PSMD12: variants seen among roughly 807,000 people sequenced by gnomAD.
The protein encoded by PSMD12 is proteasome 26S subunit, non-ATPase 12.
A neutral mutation model predicts 62.9 loss-of-function variants in PSMD12; 8 were observed. That is an observed-to-expected ratio of 0.13 (90% CI 0.07 to 0.23). PSMD12 has a LOEUF of 0.23. Among genes scored for constraint, PSMD12 ranks in the 10% least tolerant of loss-of-function variants. PSMD12 has a pLI of 1.00. For missense variants in PSMD12, 424 were observed against 550.2 expected, an observed-to-expected ratio of 0.77 and a Z score of 2.29; for synonymous variants, 173 against 187.4, an observed-to-expected ratio of 0.92 and a Z score of 0.63.
At chr17:67,356,015 C>G (rs993229300) in intron 3 of PSMD12, among the ~76,000 whole-genome samples, 2 of 145,170 alleles carry the variant, frequency 1.4e-5, no homozygotes, top group African/African-American at 5.1e-5. Flanking sequence ...CACACGCACA[C>G]ACACACAAGA....
chr17:67,352,270 G>GT (rs1280030358), intron 3 of PSMD12, among the ~76,000 whole-genome samples: 1 of 151,830 alleles, frequency 6.6e-6, no homozygotes. Context: ...TATTTTTAAA[G>GT]TTTTTTTGTA....
intron 1 of PSMD12, among the ~76,000 whole-genome samples, chr17:67,358,918 T>A (rs2042104302): frequency 6.6e-6 from 1 of 152,072 alleles, no homozygotes; most frequent in Non-Finnish European, 1.5e-5. Context: ...AATAAAACAT[T>A]CTCCCTAGGC....
In PSMD12 at chr17:67,357,406, C is replaced by T. The variant is rs745358341; in HGVS notation, c.194G>A (p.Arg65His). The stretch of plus-strand genomic sequence containing the variant: ...CATCTTCACTACTGCAACTAAGATA[C>T]GGGATGTCGATACCATATCGGAAGC... ...RTASDMVSTS[R>H]ILVAVVKMCY... Residue 65 changes from arginine to histidine, a missense_variant, in exon 3 of 11, where the codon CGT (arginine) becomes CAT (histidine). By Grantham distance (29) the Arg-to-His change is conservative. Transcript: ENST00000356126. 10 of 1,613,200 alleles carry T rather than the reference C, an allele frequency of 6.2e-6. No individual in the cohort carries two copies. In the South Asian group the frequency reaches 1.1e-4, roughly 18 times the overall value.
chr17:67,339,699 C>A lies in PSMD12; in HGVS notation c.*1144G>T, dbSNP rs967060222. On this transcript the variant is annotated 3_prime_UTR_variant, in exon 11 of 11. Coordinates refer to ENST00000356126, the MANE Select transcript of PSMD12 (RefSeq NM_002816.5). The stretch of plus-strand genomic sequence containing the variant: ...TTTTTTAAAGTAGACCTCACACTTT[C>A]TTTATTTAAGTATCATTTTAAATAA... The A allele has an allele frequency of 1.3e-5, 2 of 151,826 alleles. No individual in the cohort carries two copies. The highest frequency in any genetic ancestry group is 2.9e-5 in the Non-Finnish European group (2 of 67,950). 9.4% of individuals were successfully genotyped at this position (151,826 alleles called of 1,614,324 possible). A position where few individuals can be genotyped will look rare whatever the true frequency, so the allele number is the denominator to read the frequency against.
At chr17:67,360,427 ACT>A (rs1323960443) in intron 1 of PSMD12, among the ~76,000 whole-genome samples, 3 of 152,232 alleles carry the variant, frequency 2.0e-5, no homozygotes, top group Admixed American at 2.0e-4. Flanking sequence ...ATCAGTAGTC[ACT>A]TAGTACCTCT....
At chr17:67,343,519 T>C (rs1336860755) in intron 9 of PSMD12, among the ~76,000 whole-genome samples, 2 of 152,108 alleles carry the variant, frequency 1.3e-5, no homozygotes, top group South Asian at 2.1e-4. Context: ...CTCACACTCC[T>C]CTTACAAACC....
intron 1 of PSMD12, among the ~76,000 whole-genome samples, chr17:67,359,637 AAACATGCATGAATCTTCC>A (rs2042111294): frequency 6.6e-6 from 1 of 152,222 alleles, no homozygotes; most frequent in Non-Finnish European, 1.5e-5. Flanking sequence ...GATAGCTTTT[AAACATGCATGAATCTTCC>A]ATGCGGCACA....
intron 3 of PSMD12, among the ~76,000 whole-genome samples, chr17:67,356,393 C>A (rs573300530): frequency 6.3e-4 from 95 of 150,362 alleles, no homozygotes; most frequent in Admixed American, 1.5e-3. Flanking sequence ...CCCGTCTCTA[C>A]TAAAAATACA....
chr17:67,353,945 T>G (rs202095348), intron 3 of PSMD12, among the ~76,000 whole-genome samples: 2 of 152,358 alleles, frequency 1.3e-5, no homozygotes, highest in Admixed American at 1.3e-4. Context: ...GCCTAATGTA[T>G]GTGTAGCAAT....
At chr17:67,341,135 T>C in intron 10 of PSMD12, 83 bp from the exon 11 acceptor site, 1 of 1,080,146 alleles carries the variant, frequency 9.3e-7, no homozygotes, top group East Asian at 2.7e-5. Context: ...TTTTCTGAAC[T>C]CTTCATCCAA....
chr17:67,355,969 TACACACACACAC>T lies in PSMD12; in HGVS notation c.297+1322_297+1333del, dbSNP rs59875246. Among the ~76,000 whole-genome samples, 230 of 145,854 alleles carry T rather than the reference TACACACACACAC, an allele frequency of 1.6e-3. 2 individuals carry two copies. Among genetic ancestry groups the T allele is most frequent in the South Asian group, 5.4e-3 (24 of 4,466 alleles). On this transcript the variant is annotated intron_variant, in intron 3 of 10. Coordinates refer to ENST00000356126, the MANE Select transcript of PSMD12 (RefSeq NM_002816.5). ...GTAGTGAGACCCAAGCCCCCATTTC[TACACACACACAC>T]ACACACACACACACACACACACACA...
At chr17:67,346,985 G>T in intron 7 of PSMD12, 131 bp downstream of exon 7, 1 of 993,966 alleles carries the variant, frequency 1.0e-6, no homozygotes, top group East Asian at 2.5e-5. Flanking sequence ...GTAATATACT[G>T]AACAACACTG....
intron 1 of PSMD12, chr17:67,361,085 C>T (rs569547825): frequency 2.6e-5 from 4 of 152,146 alleles, no homozygotes; most frequent in Non-Finnish European, 5.9e-5. Context: ...GAAAGCTATC[C>T]AAAACCAACC....
In PSMD12 at chr17:67,342,349, T is replaced by C. The variant is rs2041923131; in HGVS notation, c.1084-86A>G. On this transcript the variant is annotated intron_variant, in intron 9 of 10. Transcript: ENST00000356126. The stretch of plus-strand genomic sequence containing the variant: ...ATTTATTTTCATATCCAAGTAAGTT[T>C]ACTTAAAATGTTAGACTCAGAGCTT... 3.3e-6 allele frequency: 3 copies of C among 897,342 alleles called. No homozygotes were observed. In the Admixed American group the frequency reaches 6.7e-5, roughly 20 times the overall value. The allele number at this position is 897,342 out of a possible 1,614,324, so 55.6% of individuals were successfully genotyped here.
chr17:67,345,590 TGAG>T (rs1254789942), intron 8 of PSMD12, 152 bp downstream of exon 8: 5 of 615,910 alleles, frequency 8.1e-6, no homozygotes, highest in Non-Finnish European at 1.4e-5. Context: ...TGCAGTGAGC[TGAG>T]ATTACACCAT....
At chr17:67,352,002 CAGG>C (rs1164268618) in intron 3 of PSMD12, among the ~76,000 whole-genome samples, 1 of 149,330 alleles carries the variant, frequency 6.7e-6, no homozygotes, top group African/African-American at 2.5e-5. Flanking sequence ...GAGTCTAAGA[CAGG>C]AGAATTGCTT....
chr17:67,338,166 A>G lies in PSMD12; in HGVS notation c.*2677T>C, dbSNP rs1163905764. 6.6e-6 allele frequency: 1 copy of G among 152,236 alleles called. No homozygotes were observed. The highest frequency in any genetic ancestry group is 6.5e-5 in the Admixed American group (1 of 15,280). 9.4% of individuals were successfully genotyped at this position (152,236 alleles called of 1,614,324 possible). A position where few individuals can be genotyped will look rare whatever the true frequency, so the allele number is the denominator to read the frequency against. ...TAAAATAAAAAAATTATATGGAAAT[A>G]AAAGGTATTTCATTTGAAAAATGGC... is the stretch of plus-strand genomic sequence containing the variant. On this transcript the variant is annotated 3_prime_UTR_variant, in exon 11 of 11. Coordinates refer to ENST00000356126, the MANE Select transcript of PSMD12 (RefSeq NM_002816.5).
At position 67,347,557 on chromosome 17, in the gene PSMD12, T is replaced by C. The variant is rs905473315; in HGVS notation, c.511-72A>G. 4 of 1,386,264 alleles carry C rather than the reference T, an allele frequency of 2.9e-6. No homozygotes were observed. In the African/African-American group the frequency reaches 4.4e-5, roughly 15 times the overall value. 85.9% of individuals were successfully genotyped at this position (1,386,264 alleles called of 1,614,324 possible). On this transcript the variant is annotated intron_variant, in intron 5 of 10. Coordinates refer to ENST00000356126, the MANE Select transcript of PSMD12 (RefSeq NM_002816.5). Reference sequence around the variant, plus strand: ...GTGAATTGCAATAAAATGAAATAGATATTAAAATATTCATCCTTGTTAAAT... The same window carrying C: ...GTGAATTGCAATAAAATGAAATAGACATTAAAATATTCATCCTTGTTAAAT...
chr17:67,366,524 C>T lies in PSMD12; in HGVS notation c.-5G>A, dbSNP rs1567964061. 1 of 1,600,104 alleles carries T rather than the reference C, an allele frequency of 6.2e-7. No homozygotes were observed. Among genetic ancestry groups the T allele is most frequent in the South Asian group, 1.1e-5 (1 of 90,654 alleles). On this transcript the variant is annotated 5_prime_UTR_variant, in exon 1 of 11. Coordinates refer to ENST00000356126, the MANE Select transcript of PSMD12 (RefSeq NM_002816.5). ...CTCCGAGCCGCCGTCCGCCATGGTCCCCGCCTGAGCGTCCCTTGCTGTCCC... is the reference window on the plus strand; with the variant it reads ...CTCCGAGCCGCCGTCCGCCATGGTCTCCGCCTGAGCGTCCCTTGCTGTCCC...
Sources: gnomAD v4.1 joint callset for allele counts (sites outside exome capture counted in the v4.1 genomes callset) on GRCh38, gnomAD v4.1.1 for gene constraint, MANE v1.5 for transcripts, NCBI Gene and HGNC (gene_info 2026-07-23, HGNC 2026-07-21) for gene names.